NUP155: variants seen among roughly 807,000 people sequenced by gnomAD.
The protein encoded by NUP155 is nucleoporin 155.
A neutral mutation model predicts 180.4 loss-of-function variants in NUP155; 71 were observed. That is an observed-to-expected ratio of 0.39 (90% confidence interval 0.33 to 0.48). The LOEUF (loss-of-function observed/expected upper bound fraction) is 0.48, where lower values mean the gene tolerates loss of function less well. Among genes scored for constraint, NUP155 ranks in the 20% least tolerant of loss-of-function variants. NUP155 has a pLI of 0.91. For missense variants in NUP155, 1,553 were observed against 1,648.9 expected, an observed-to-expected ratio of 0.94 and a Z score of 1.01; for synonymous variants, 582 against 559.5, an observed-to-expected ratio of 1.04 and a Z score of -0.57.
chr5:37,343,790 G>A lies in NUP155; in HGVS notation c.996-1144C>T, dbSNP rs190993625. ...TGCCTGTAATCCCAGCTACTTGGGA[G>A]GCTGAAGCAGAAGAATCACTTGAAC... On this transcript the variant is annotated intron_variant, in intron 9 of 34. Coordinates refer to ENST00000231498, the MANE Select transcript of NUP155 (RefSeq NM_153485.3). 2.2e-3 allele frequency among the ~76,000 whole-genome samples: 336 copies of A among 152,180 alleles called. 1 individual carries two copies. Among genetic ancestry groups the A allele is most frequent in the Non-Finnish European group, 3.1e-3 (212 of 68,018 alleles).
chr5:37,346,286 A>C (rs1249036234), intron 9 of NUP155, among the ~76,000 whole-genome samples: 3 of 152,178 alleles, frequency 2.0e-5, no homozygotes, highest in African/African-American at 7.2e-5. Context: ...TGAAAAAAAA[A>C]ACAAAAAGTT....
chr5:37,308,527 C>T (rs1743311862), intron 24 of NUP155, among the ~76,000 whole-genome samples: 1 of 152,054 alleles, frequency 6.6e-6, no homozygotes, highest in Middle Eastern at 3.4e-3. Context: ...TGAAACCCAT[C>T]TCTACTAAAA....
intron 34 of NUP155, among the ~76,000 whole-genome samples, chr5:37,292,280 A>G (rs966470612): frequency 8.6e-5 from 13 of 150,534 alleles, no homozygotes; most frequent in African/African-American, 3.2e-4. Context: ...CAGTGGCGCC[A>G]TCTCGGCTCA....
chr5:37,358,626 T>A (rs1746997843), intron 3 of NUP155, among the ~76,000 whole-genome samples: 1 of 152,164 alleles, frequency 6.6e-6, no homozygotes, highest in African/African-American at 2.4e-5. Context: ...TGGCTAATTT[T>A]TGTATTTTTT....
rs551330424 is a variant in NUP155 at position 37,371,091 on chromosome 5, G to C, written c.-114C>G. 10 of 1,031,680 alleles carry C rather than the reference G, an allele frequency of 9.7e-6. No homozygotes were observed. Among genetic ancestry groups the C allele is most frequent in the African/African-American group, 3.2e-5 (2 of 62,544 alleles). 63.9% of individuals were successfully genotyped at this position (1,031,680 alleles called of 1,614,324 possible). ...CCTAGGGCGCGCGCGCCAAACGAGCGCCTTGGCGCCTCGACATGACGCACT... is the reference window on the plus strand; with the variant it reads ...CCTAGGGCGCGCGCGCCAAACGAGCCCCTTGGCGCCTCGACATGACGCACT... On this transcript the variant is annotated 5_prime_UTR_variant, in exon 1 of 35. Coordinates refer to ENST00000231498, the MANE Select transcript of NUP155 (RefSeq NM_153485.3).
intron 22 of NUP155, among the ~76,000 whole-genome samples, chr5:37,313,197 G>A (rs2150951061): frequency 6.6e-6 from 1 of 152,122 alleles, no homozygotes; most frequent in African/African-American, 2.4e-5. Context: ...TTGGGTGGCT[G>A]AGGCGGGTGG....
In NUP155 at chr5:37,351,238, T is replaced by C; in HGVS notation, c.675A>G (p.Arg225=). The C allele has an allele frequency of 6.2e-7, 1 of 1,613,902 alleles. No homozygotes were observed. The highest frequency in any genetic ancestry group is 8.5e-7 in the Non-Finnish European group (1 of 1,179,890). ...LLTITSTDNG[R]IFLAGKDGCL... is the part of the protein sequence containing the mutation. The stretch of plus-strand genomic sequence containing the variant: ...AGCCATCCTTTCCAGCCAAGAAAAT[T>C]CTGCCATTATCAGTGGAAGTTATTG... The change falls in exon 6 of 35, where the codon AGA becomes AGG. Residue 225 remains arginine, a synonymous_variant. Coordinates refer to ENST00000231498, the MANE Select transcript of NUP155 (RefSeq NM_153485.3).
intron 5 of NUP155, 126 bp downstream of exon 5, chr5:37,352,611 T>C (rs1251494601): frequency 1.6e-5 from 11 of 691,456 alleles, no homozygotes; most frequent in East Asian, 2.8e-5. Flanking sequence ...CCTGAGGATT[T>C]GGCAGTAATA....
chr5:37,371,050 T>C lies in NUP155; in HGVS notation c.-73A>G. The stretch of plus-strand genomic sequence containing the variant: ...AGAAACAAGAAAAGATCCAAGAAGT[T>C]AGCTTAGATCCGCCGCCTAGGGCGC... On this transcript the variant is annotated 5_prime_UTR_variant, in exon 1 of 35. Transcript: ENST00000231498. The C allele has an allele frequency of 1.3e-6, 2 of 1,535,028 alleles. No individual in the cohort carries two copies. The highest frequency in any genetic ancestry group is 1.8e-6 in the Non-Finnish European group (2 of 1,118,962).
chr5:37,330,176 T>G (rs1744866994), intron 14 of NUP155, 44 bp from the exon 15 acceptor site: 5 of 1,363,468 alleles, frequency 3.7e-6, no homozygotes, highest in South Asian at 1.2e-5. Flanking sequence ...AATACAAATT[T>G]TAAAATGATT....
intron 19 of NUP155, 37 bp downstream of exon 19, chr5:37,325,864 T>C (rs1421227885): frequency 7.6e-7 from 1 of 1,307,824 alleles, no homozygotes; most frequent in East Asian, 2.3e-5. Context: ...ATCAACTGGC[T>C]ACACAAAAAT....
At chr5:37,303,558 A>T in intron 27 of NUP155, 144 bp from the exon 28 acceptor site, 1 of 702,102 alleles carries the variant, frequency 1.4e-6, no homozygotes, top group Non-Finnish European at 2.4e-6. Context: ...ATACTAACAG[A>T]TAAAAGAGAG....
At chr5:37,368,359 C>G (rs1747742915) in intron 1 of NUP155, among the ~76,000 whole-genome samples, 1 of 151,622 alleles carries the variant, frequency 6.6e-6, no homozygotes, top group Non-Finnish European at 1.5e-5. Flanking sequence ...AGCTGGGGGT[C>G]CAAGTGTGTG....
At chr5:37,349,553 C>T (rs575001088) in intron 7 of NUP155, among the ~76,000 whole-genome samples, 10 of 152,150 alleles carry the variant, frequency 6.6e-5, no homozygotes, top group Non-Finnish European at 1.3e-4. Context: ...GTTATTTTTT[C>T]ATGAAATAAC....
chr5:37,310,916 G>A (rs1743487065), intron 22 of NUP155, among the ~76,000 whole-genome samples, 173 bp from the exon 23 acceptor site: 1 of 152,098 alleles, frequency 6.6e-6, no homozygotes. Context: ...AAATCATAGA[G>A]AGTTGGAAAA....
chr5:37,305,350 GC>G, intron 25 of NUP155, 140 bp from the exon 26 acceptor site: 1 of 728,262 alleles, frequency 1.4e-6, no homozygotes, highest in Non-Finnish European at 2.4e-6. Flanking sequence ...TTCAAGACTA[GC>G]CAGGGCAACA....
chr5:37,337,560 G>T (rs1238845667), intron 12 of NUP155, among the ~76,000 whole-genome samples: 2 of 152,044 alleles, frequency 1.3e-5, no homozygotes, highest in African/African-American at 2.4e-5. Flanking sequence ...AAAGATGTAT[G>T]TATTTTCTAG....
chr5:37,365,752 TACACACAC>T lies in NUP155; in HGVS notation c.158-1376_158-1369del, dbSNP rs372031424. On this transcript the variant is annotated intron_variant, in intron 1 of 34. Coordinates refer to ENST00000231498, the MANE Select transcript of NUP155 (RefSeq NM_153485.3). ...AAAAAAAAAAAAATATATATATATA[TACACACAC>T]ACACACACACACACACACACACACA... Among the ~76,000 whole-genome samples, 275 of 37,856 alleles carry T rather than the reference TACACACAC, an allele frequency of 7.3e-3. 7 individuals carry two copies. Among genetic ancestry groups the T allele is most frequent in the African/African-American group, 0.017 (161 of 9,222 alleles). 24.8% of individuals were successfully genotyped at this position (37,856 alleles called of 152,430 possible). A position where few individuals can be genotyped will look rare whatever the true frequency, so the allele number is the denominator to read the frequency against.
At chr5:37,370,582 C>T (rs1426783096) in intron 1 of NUP155, 3 of 1,263,236 alleles carry the variant, frequency 2.4e-6, no homozygotes, top group Non-Finnish European at 3.2e-6. Context: ...AGGTCTTTGC[C>T]TCTTTCTGCT....
Sources: gnomAD v4.1 joint callset for allele counts (sites outside exome capture counted in the v4.1 genomes callset) on GRCh38, gnomAD v4.1.1 for gene constraint, MANE v1.5 for transcripts, NCBI Gene and HGNC (gene_info 2026-07-23, HGNC 2026-07-21) for gene names.